NAALADL2: variants seen among roughly 807,000 people sequenced by gnomAD.
NAALADL2 encodes N-acetylated alpha-linked acidic dipeptidase like 2, also known as inactive N-acetylated-alpha-linked acidic dipeptidase-like protein 2.
A neutral mutation model predicts 87.2 loss-of-function variants in NAALADL2; 76 were observed. The observed-to-expected ratio is 0.87, with a 90% CI of 0.72 to 1.05. NAALADL2 has a LOEUF of 1.05. Ranked by LOEUF, NAALADL2 falls within the 50% of genes least tolerant of loss-of-function variation. The pLI is 0.00. For synonymous variants in NAALADL2, 354 were observed against 331.0 expected (o/e 1.07, Z -0.75); for missense variants, 1,089 against 945.8 (o/e 1.15, Z -1.99).
intron 3 of NAALADL2, among the ~76,000 whole-genome samples, chr3:174,758,337 T>C (rs1046967454): frequency 3.3e-5 from 5 of 152,236 alleles, no homozygotes; most frequent in African/African-American, 9.6e-5. Flanking sequence ...TTTCTCACTT[T>C]CATTGATTAC....
intron 5 of NAALADL2, among the ~76,000 whole-genome samples, chr3:175,420,449 A>T (rs960977717): frequency 4.6e-5 from 7 of 152,062 alleles, no homozygotes; most frequent in African/African-American, 1.7e-4. Context: ...CATACTCGTT[A>T]AAACAAGGTA....
intron 4 of NAALADL2, among the ~76,000 whole-genome samples, chr3:175,287,540 C>G (rs1755133699): frequency 6.6e-6 from 1 of 152,152 alleles, no homozygotes; most frequent in South Asian, 2.1e-4. Context: ...ACATAACTTG[C>G]CCAGGTTACA....
In NAALADL2 at chr3:174,617,157, G is replaced by A. The variant is rs867742484; in HGVS notation, c.-115+66520G>A. On this transcript the variant is annotated intron_variant, in intron 2 of 3. Transcript: ENST00000434257. The stretch of plus-strand genomic sequence containing the variant: ...CTAAATCTAATGCAAAAGGCTGTTA[G>A]TCAACTAGTTTAGCTTGTCGAACAG... 4.3e-4 allele frequency among the ~76,000 whole-genome samples: 66 copies of A among 151,840 alleles called. No individual in the cohort carries two copies. The Middle Eastern group carries it at 0.01, about 23-fold the overall frequency.
chr3:174,655,790 A>G (rs1329209158), intron 2 of NAALADL2, among the ~76,000 whole-genome samples: 2 of 152,210 alleles, frequency 1.3e-5, no homozygotes, highest in Non-Finnish European at 2.9e-5. Flanking sequence ...CATTAACTAA[A>G]AAAGAGAATT....
At chr3:175,140,147 C>G (rs1729772902) in intron 2 of NAALADL2, among the ~76,000 whole-genome samples, 1 of 152,056 alleles carries the variant, frequency 6.6e-6, no homozygotes. Flanking sequence ...GCCCTCCGTG[C>G]CTAGTTTCTG....
At chr3:174,546,769 C>T (rs181609404) in intron 1 of NAALADL2, among the ~76,000 whole-genome samples, 7 of 152,234 alleles carry the variant, frequency 4.6e-5, no homozygotes, top group East Asian at 3.9e-4. Context: ...GCAATCCTCC[C>T]GCCTCAGCCT....
chr3:175,722,087 G>A (rs1364637581), intron 11 of NAALADL2, among the ~76,000 whole-genome samples: 2 of 151,924 alleles, frequency 1.3e-5, no homozygotes, highest in Non-Finnish European at 2.9e-5. Flanking sequence ...GTAACGTATT[G>A]AGAGCCTTAA....
chr3:175,590,338 A>ATT lies in NAALADL2; in HGVS notation c.1800+14165_1800+14166dup, dbSNP rs374385420. 3.2e-3 allele frequency among the ~76,000 whole-genome samples: 425 copies of ATT among 133,476 alleles called. 8 individuals carry two copies. The highest frequency in any genetic ancestry group is 0.011 in the African/African-American group (385 of 36,378). 87.6% of individuals were successfully genotyped at this position (133,476 alleles called of 152,430 possible). On this transcript the variant is annotated intron_variant, in intron 10 of 13. Transcript: ENST00000454872. ...CAATGTCAATTGATTGACCTGTTGA[A>ATT]TTTTTTTTTTTTTTTGGAAAGAATA... is the stretch of plus-strand genomic sequence containing the variant.
intron 3 of NAALADL2, among the ~76,000 whole-genome samples, chr3:174,764,663 ACTG>A (rs1162790673): frequency 6.6e-6 from 1 of 152,114 alleles, no homozygotes; most frequent in African/African-American, 2.4e-5. Context: ...CAAATATCAC[ACTG>A]CTATTTGAAG....
intron 11 of NAALADL2, among the ~76,000 whole-genome samples, chr3:175,735,521 A>C (rs1744381981): frequency 6.6e-6 from 1 of 152,228 alleles, no homozygotes; most frequent in South Asian, 2.1e-4. Flanking sequence ...GTTTAATGGA[A>C]AACTCACAGT....
At chr3:174,700,767 A>C in intron 2 of NAALADL2, among the ~76,000 whole-genome samples, 1 of 152,194 alleles carries the variant, frequency 6.6e-6, no homozygotes, top group East Asian at 1.9e-4. Context: ...GAAGGAAATA[A>C]AACTGATTTA....
chr3:174,502,806 G>A (rs1046047346), intron 1 of NAALADL2, among the ~76,000 whole-genome samples: 1 of 151,980 alleles, frequency 6.6e-6, no homozygotes, highest in Non-Finnish European at 1.5e-5. Context: ...CGAGGTGGGT[G>A]GATCATGAGG....
chr3:174,755,087 G>T (rs1211196302), intron 3 of NAALADL2, among the ~76,000 whole-genome samples: 2 of 152,270 alleles, frequency 1.3e-5, no homozygotes, highest in South Asian at 4.1e-4. Flanking sequence ...ATTGGATCAT[G>T]GAGGCGGTTT....
At chr3:175,202,801 C>G (rs1226674740) in intron 2 of NAALADL2, among the ~76,000 whole-genome samples, 1 of 151,950 alleles carries the variant, frequency 6.6e-6, no homozygotes, top group Non-Finnish European at 1.5e-5. Context: ...TGTGGCTGCT[C>G]TGGGGGATGG....
At chr3:174,751,289 C>T (rs995633744) in intron 3 of NAALADL2, among the ~76,000 whole-genome samples, 3 of 152,004 alleles carry the variant, frequency 2.0e-5, no homozygotes, top group African/African-American at 7.2e-5. Flanking sequence ...GAAATTTTGA[C>T]AGATTTTCAG....
intron 1 of NAALADL2, among the ~76,000 whole-genome samples, chr3:174,972,284 T>A (rs940856573): frequency 6.6e-6 from 1 of 152,224 alleles, no homozygotes; most frequent in Non-Finnish European, 1.5e-5. Flanking sequence ...TATTTTTTCT[T>A]GTGCTAAAGA....
intron 3 of NAALADL2, among the ~76,000 whole-genome samples, chr3:175,244,130 G>A (rs1185453382): frequency 6.6e-6 from 1 of 152,112 alleles, no homozygotes; most frequent in East Asian, 1.9e-4. Flanking sequence ...TATCTCGGGA[G>A]CAATCAGCTA....
At chr3:175,514,463 G>T (rs912403820) in intron 9 of NAALADL2, among the ~76,000 whole-genome samples, 5 of 152,084 alleles carry the variant, frequency 3.3e-5, no homozygotes, top group African/African-American at 1.2e-4. Context: ...CATTTTAGGG[G>T]ACATTATGTA....
intron 1 of NAALADL2, among the ~76,000 whole-genome samples, chr3:174,882,861 A>C (rs1011148042): frequency 7.1e-6 from 1 of 139,952 alleles, no homozygotes; most frequent in Non-Finnish European, 1.5e-5. Context: ...GTATATATAC[A>C]TATGTGTATA....
Sources: gnomAD v4.1 joint callset for allele counts (sites outside exome capture counted in the v4.1 genomes callset) on GRCh38, gnomAD v4.1.1 for gene constraint, MANE v1.5 for transcripts, NCBI Gene and HGNC (gene_info 2026-07-23, HGNC 2026-07-21) for gene names.